LIMA1: variants seen among roughly 807,000 people sequenced by gnomAD.
The protein encoded by LIMA1 is LIM domain and actin binding 1.
Under a neutral mutation model 62.6 loss-of-function variants are expected in LIMA1, and 52 were observed. The observed-to-expected ratio is 0.83, with a 90% CI of 0.67 to 1.05. The LOEUF (loss-of-function observed/expected upper bound fraction) is 1.05. LIMA1 is among the 50% of genes least tolerant of loss of function. The pLI, the probability that LIMA1 is intolerant of heterozygous loss-of-function variation, is 0.00. For synonymous variants in LIMA1, 302 were observed against 317.8 expected (o/e 0.95, Z 0.53); for missense variants, 780 against 902.2 (o/e 0.86, Z 1.74).
intron 5 of LIMA1, among the ~76,000 whole-genome samples, chr12:50,205,027 T>G (rs1941126093): frequency 6.6e-6 from 1 of 152,100 alleles, no homozygotes; most frequent in Non-Finnish European, 1.5e-5. Context: ...TAAAGTAATA[T>G]TCACTCACTT....
chr12:50,255,549 C>CAAAAAAAAAAAA (rs1185514558), intron 1 of LIMA1, among the ~76,000 whole-genome samples: 1 of 39,686 alleles, frequency 2.5e-5, no homozygotes, highest in African/African-American at 7.9e-5. Flanking sequence ...CAGACCCTGT[C>CAAAAAAAAAAAA]AAAAAAAAAA....
At chr12:50,261,700 T>C (rs1022839454) in intron 1 of LIMA1, among the ~76,000 whole-genome samples, 2 of 152,144 alleles carry the variant, frequency 1.3e-5, no homozygotes, top group Non-Finnish European at 1.5e-5. Flanking sequence ...AAGGTCTCAC[T>C]CTTATCTCCC....
intron 9 of LIMA1, chr12:50,190,305 G>A (rs1201720205): frequency 6.6e-6 from 1 of 150,720 alleles, no homozygotes; most frequent in African/African-American, 2.4e-5. Context: ...GAGTCACCGT[G>A]CCTGGCCTCA....
At chr12:50,205,579 C>A (rs753906509) in intron 5 of LIMA1, among the ~76,000 whole-genome samples, 12 of 151,914 alleles carry the variant, frequency 7.9e-5, no homozygotes, top group Non-Finnish European at 1.8e-4. Context: ...GTAACCAAAC[C>A]TGATAGGGGA....
chr12:50,241,943 T>C (rs1941783284), intron 2 of LIMA1, among the ~76,000 whole-genome samples: 1 of 63,042 alleles, frequency 1.6e-5, no homozygotes, highest in Non-Finnish European at 3.3e-5. Context: ...ATTTTTTTTT[T>C]TTTTTTTTTT....
chr12:50,201,496 TAAAAGAACATGCA>T (rs1014855369), intron 6 of LIMA1: 1 of 983,830 alleles, frequency 1.0e-6, no homozygotes, highest in Non-Finnish European at 1.2e-6. Context: ...AGCCTCAACA[TAAAAGAACATGCA>T]TTTTATTGTC....
At chr12:50,216,608 G>A (rs1364444659) in intron 4 of LIMA1, among the ~76,000 whole-genome samples, 1 of 151,890 alleles carries the variant, frequency 6.6e-6, no homozygotes, top group Non-Finnish European at 1.5e-5. Context: ...GGCTGGGCGC[G>A]GTAGCACTTT....
At chr12:50,201,328 G>A in intron 6 of LIMA1, 1 of 987,588 alleles carries the variant, frequency 1.0e-6, no homozygotes, top group Non-Finnish European at 1.2e-6. Context: ...GCCCGGCCTG[G>A]AAAGAGAGAC....
rs953890376 is a variant in LIMA1 at position 50,176,739 on chromosome 12, T to C, written c.*325A>G. Reference sequence around the variant, plus strand: ...AACAATATACTACTAATCATCTGTCTACCTTAATATTGCCTTTTGGGAATA... The same window carrying C: ...AACAATATACTACTAATCATCTGTCCACCTTAATATTGCCTTTTGGGAATA... On this transcript the variant is annotated 3_prime_UTR_variant, in exon 11 of 11. Coordinates refer to ENST00000341247, the MANE Select transcript of LIMA1 (RefSeq NM_016357.5). The C allele has an allele frequency of 1.3e-5, 3 of 225,130 alleles. No individual in the cohort carries two copies. The highest frequency in any genetic ancestry group is 2.3e-5 in the African/African-American group (1 of 44,090). 13.9% of individuals were successfully genotyped at this position (225,130 alleles called of 1,614,324 possible).
chr12:50,216,252 C>T (rs1372075410), intron 4 of LIMA1, among the ~76,000 whole-genome samples: 2 of 152,068 alleles, frequency 1.3e-5, no homozygotes, highest in African/African-American at 4.8e-5. Flanking sequence ...TTTGCTCTTG[C>T]TGCCCAGGCT....
At chr12:50,268,927 G>A (rs936080208) in intron 1 of LIMA1, among the ~76,000 whole-genome samples, 1 of 152,092 alleles carries the variant, frequency 6.6e-6, no homozygotes, top group African/African-American at 2.4e-5. Context: ...GGGCTGTCTG[G>A]ACCGGTCTTA....
chr12:50,250,238 C>G (rs891023220), intron 1 of LIMA1, among the ~76,000 whole-genome samples: 1 of 144,260 alleles, frequency 6.9e-6, no homozygotes, highest in Non-Finnish European at 1.5e-5. Flanking sequence ...TGCAGGGAAC[C>G]GAGATCACAC....
At chr12:50,239,678 A>G (rs1416830657) in intron 2 of LIMA1, among the ~76,000 whole-genome samples, 1 of 151,972 alleles carries the variant, frequency 6.6e-6, no homozygotes, top group Non-Finnish European at 1.5e-5. Flanking sequence ...GACCCCATAC[A>G]TATGTAAAAT....
At chr12:50,274,823 A>G (rs940392177) in intron 1 of LIMA1, among the ~76,000 whole-genome samples, 1 of 152,142 alleles carries the variant, frequency 6.6e-6, no homozygotes, top group African/African-American at 2.4e-5. Flanking sequence ...CAGCAAGGTG[A>G]AGACAATAGA....
chr12:50,199,520 C>T (rs1037921032), intron 7 of LIMA1, among the ~76,000 whole-genome samples: 2 of 152,146 alleles, frequency 1.3e-5, no homozygotes, highest in African/African-American at 2.4e-5. Context: ...AATATCTTTG[C>T]TCTGGGCTTC....
intron 3 of LIMA1, among the ~76,000 whole-genome samples, chr12:50,227,835 T>G (rs948839724): frequency 3.2e-4 from 48 of 151,960 alleles, no homozygotes; most frequent in Middle Eastern, 6.8e-3. Flanking sequence ...AGTATTTATT[T>G]GATATGGTAA....
intron 9 of LIMA1, chr12:50,185,455 G>T (rs1192456398): frequency 2.2e-6 from 1 of 456,104 alleles, no homozygotes; most frequent in Non-Finnish European, 4.4e-6. Flanking sequence ...GAAGCTGGAA[G>T]AGACAAACAG....
chr12:50,182,894 C>T (rs1489641775), intron 9 of LIMA1, among the ~76,000 whole-genome samples: 1 of 152,140 alleles, frequency 6.6e-6, no homozygotes, highest in East Asian at 1.9e-4. Context: ...ATATTATAAG[C>T]TTTCACATGA....
intron 1 of LIMA1, among the ~76,000 whole-genome samples, chr12:50,252,989 C>A (rs1337389367): frequency 6.6e-6 from 1 of 151,932 alleles, no homozygotes. Flanking sequence ...GGTTTAAATT[C>A]GTAAATTAAT....
Sources: gnomAD v4.1 joint callset for allele counts (sites outside exome capture counted in the v4.1 genomes callset) on GRCh38, gnomAD v4.1.1 for gene constraint, MANE v1.5 for transcripts, NCBI Gene and HGNC (gene_info 2026-07-23, HGNC 2026-07-21) for gene names.